DAPP1: variants seen among roughly 807,000 people sequenced by gnomAD.
DAPP1 encodes dual adapter for phosphotyrosine and 3-phosphotyrosine and 3-phosphoinositide.
Under a neutral mutation model 41.5 loss-of-function variants are expected in DAPP1, and 20 were observed. That is an observed-to-expected ratio of 0.48 (90% CI 0.34 to 0.70). The LOEUF (loss-of-function observed/expected upper bound fraction) is 0.70, where lower values mean the gene tolerates loss of function less well. Ranked by LOEUF, DAPP1 falls within the 30% of genes least tolerant of loss-of-function variation. The pLI is 0.01. For synonymous variants in DAPP1, 113 were observed against 116.2 expected (o/e 0.97, Z 0.18); for missense variants, 233 against 333.4 (o/e 0.70, Z 2.35).
chr4:99,844,699 T>A (rs1355556827), intron 3 of DAPP1: 4 of 152,236 alleles, frequency 2.6e-5, no homozygotes, highest in Non-Finnish European at 5.9e-5. Context: ...TCAAGTTCTA[T>A]GTTTGTGCTT....
chr4:99,825,856 C>T (rs1486707091), intron 1 of DAPP1, among the ~76,000 whole-genome samples: 1 of 152,186 alleles, frequency 6.6e-6, no homozygotes, highest in Non-Finnish European at 1.5e-5. Context: ...GTGTGGGCAA[C>T]ACCATCTTTC....
intron 1 of DAPP1, among the ~76,000 whole-genome samples, chr4:99,822,900 G>A (rs573752403): frequency 6.6e-6 from 1 of 152,232 alleles, no homozygotes; most frequent in South Asian, 2.1e-4. Context: ...ACACTGCTGG[G>A]CCTTATCAGT....
downstream of DAPP1, among the ~76,000 whole-genome samples, chr4:99,871,702 G>C (rs1469688669): frequency 6.6e-6 from 1 of 152,202 alleles, no homozygotes; most frequent in East Asian, 1.9e-4. Context: ...GCCTTCTTGA[G>C]AAAGAATTCA....
intron 1 of DAPP1, among the ~76,000 whole-genome samples, chr4:99,827,255 C>T (rs1722964090): frequency 2.0e-5 from 3 of 152,066 alleles, no homozygotes; most frequent in African/African-American, 7.2e-5. Context: ...TTAAAACCAT[C>T]ACTCTTGGCT....
intron 2 of DAPP1, among the ~76,000 whole-genome samples, chr4:99,836,410 C>T (rs764628113): frequency 6.6e-5 from 10 of 152,142 alleles, no homozygotes; most frequent in Non-Finnish European, 1.3e-4. Context: ...GGTTCTCAGT[C>T]GCATCTGACA....
intron 1 of DAPP1, among the ~76,000 whole-genome samples, chr4:99,832,229 A>G (rs1379579409): frequency 6.6e-6 from 1 of 152,258 alleles, no homozygotes; most frequent in Non-Finnish European, 1.5e-5. Context: ...GACTGAAGGC[A>G]GAAAAGGTTG....
intron 2 of DAPP1, 148 bp downstream of exon 2, chr4:99,835,893 G>A (rs1723283448): frequency 4.9e-6 from 5 of 1,030,862 alleles, no homozygotes; most frequent in Non-Finnish European, 5.5e-6. Context: ...TGATGAGGGT[G>A]TAAAACAACA....
rs1469469055 is a variant in DAPP1, at chr4:99,835,684, G to A, written c.163G>A (p.Asp55Asn). 6.2e-7 allele frequency: 1 copy of A among 1,613,790 alleles called. No homozygotes were observed. The highest frequency in any genetic ancestry group is 1.3e-5 in the African/African-American group (1 of 74,908). The part of the protein sequence containing the change: ...AEALLLSNGC[D>N]GSYLLRDSNE... ...AGCTCTTCTCCTCTCAAATGGATGT[G>A]ACGGCAGCTACCTTCTGAGGGACAG... The change falls in exon 2 of 9, where the codon GAC (aspartate) becomes AAC (asparagine). Residue 55 changes from aspartate to asparagine, a missense_variant. Transcript: ENST00000512369.
intron 4 of DAPP1, among the ~76,000 whole-genome samples, chr4:99,855,856 T>C (rs1282955067): frequency 6.6e-6 from 1 of 152,200 alleles, no homozygotes; most frequent in Non-Finnish European, 1.5e-5. Context: ...TTCTGCATTT[T>C]CTTTTTGGGG....
chr4:99,839,522 C>T (rs17029575), intron 2 of DAPP1, among the ~76,000 whole-genome samples: 7,818 of 151,744 alleles, frequency 0.052, 399 homozygotes, highest in East Asian at 0.24. Flanking sequence ...GGAACATGCA[C>T]GGGAGGAAAA....
At chr4:99,820,531 C>G (rs1722737114) in intron 1 of DAPP1, among the ~76,000 whole-genome samples, 1 of 152,130 alleles carries the variant, frequency 6.6e-6, no homozygotes, top group Non-Finnish European at 1.5e-5. Context: ...TTTCTCAAAT[C>G]GAAAGTTGTA....
chr4:99,856,580 T>G (rs1391406794), intron 4 of DAPP1, among the ~76,000 whole-genome samples: 2 of 152,150 alleles, frequency 1.3e-5, no homozygotes, highest in African/African-American at 4.8e-5. Context: ...AGCTGAGCAT[T>G]TAGAAATATG....
intron 1 of DAPP1, among the ~76,000 whole-genome samples, chr4:99,821,671 C>A (rs1303473330): frequency 2.6e-5 from 4 of 152,184 alleles, no homozygotes; most frequent in Non-Finnish European, 5.9e-5. Context: ...TGCTCCAGAG[C>A]CTTCATGCTT....
chr4:99,847,963 G>T (rs889184396), intron 3 of DAPP1, among the ~76,000 whole-genome samples: 2 of 151,578 alleles, frequency 1.3e-5, no homozygotes, highest in African/African-American at 4.9e-5. Context: ...ACAGGCATGC[G>T]CCACCATGCC....
chr4:99,820,483 A>G (rs1722735885), intron 1 of DAPP1, among the ~76,000 whole-genome samples: 1 of 152,238 alleles, frequency 6.6e-6, no homozygotes. Flanking sequence ...TTGTAACTCC[A>G]AGTGAGAAAC....
intron 3 of DAPP1, chr4:99,844,821 G>T (rs1021544211): frequency 6.6e-6 from 1 of 152,088 alleles, no homozygotes; most frequent in Non-Finnish European, 1.5e-5. Context: ...ATCTTTTGAC[G>T]ACAGCTACCG....
intron 1 of DAPP1, among the ~76,000 whole-genome samples, chr4:99,832,082 T>G (rs1295592425): frequency 1.3e-5 from 2 of 152,214 alleles, no homozygotes; most frequent in Non-Finnish European, 2.9e-5. Flanking sequence ...CTTTATTCTC[T>G]CTTGGATATA....
chr4:99,861,730 C>A, intron 5 of DAPP1, 105 bp downstream of exon 5: 1 of 1,278,592 alleles, frequency 7.8e-7, no homozygotes, highest in Non-Finnish European at 1.1e-6. Context: ...TAATTGCCTG[C>A]TCATTTTAAC....
chr4:99,866,075 C>A lies in DAPP1; in HGVS notation c.728C>A (p.Thr243Asn). 4 of 1,595,674 alleles carry A rather than the reference C, an allele frequency of 2.5e-6. No homozygotes were observed. Among genetic ancestry groups the A allele is most frequent in the Non-Finnish European group, 3.4e-6 (4 of 1,169,818 alleles). ...PFRTFYLCAK[T>N]GVEADEWIKI... is the part of the protein sequence containing the mutation. Reference sequence around the variant, plus strand: ...AGGACATTTTATCTCTGTGCAAAGACCGGAGTAGAAGCTGATGAGTGGATC... The same window carrying A: ...AGGACATTTTATCTCTGTGCAAAGAACGGAGTAGAAGCTGATGAGTGGATC... The change falls in exon 8 of 9, where the codon ACC (threonine) becomes AAC (asparagine). Residue 243 changes from threonine to asparagine, a missense_variant. By Grantham distance (65) the Thr-to-Asn change is moderately conservative (BLOSUM62 0). Coordinates refer to ENST00000512369, the MANE Select transcript of DAPP1 (RefSeq NM_014395.3).
Sources: allele counts gnomAD v4.1 joint callset (sites outside exome capture counted in the v4.1 genomes callset), GRCh38; gene constraint gnomAD v4.1.1; transcripts MANE v1.5; gene names NCBI Gene and HGNC (gene_info 2026-07-23, HGNC 2026-07-21).